The following ERBB4 variants were observed in gnomAD, a reference collection of about 807,000 sequenced individuals.
ERBB4 encodes receptor tyrosine-protein kinase erbB-4.
In ERBB4, 42 loss-of-function variants were observed where a neutral mutation model predicts 158.0. That is an observed-to-expected ratio of 0.27 (90% CI 0.21 to 0.34). The LOEUF (loss-of-function observed/expected upper bound fraction) is 0.34. ERBB4 is among the 10% of genes least tolerant of loss of function. The pLI, the probability that ERBB4 is intolerant of heterozygous loss-of-function variation, is 1.00. For missense variants in ERBB4, 1,333 were observed against 1,624.1 expected, an observed-to-expected ratio of 0.82 and a Z score of 3.08; for synonymous variants, 583 against 558.7, an observed-to-expected ratio of 1.04 and a Z score of -0.61.
chr2:211,775,080 C>A (rs573213169), intron 4 of ERBB4, among the ~76,000 whole-genome samples: 4 of 152,120 alleles, frequency 2.6e-5, no homozygotes, highest in Admixed American at 6.6e-5. Context: ...AAAGAGTTGT[C>A]CCTCTCTAGA....
chr2:212,410,777 G>A (rs967555315), intron 1 of ERBB4, among the ~76,000 whole-genome samples: 1 of 151,948 alleles, frequency 6.6e-6, no homozygotes, highest in African/African-American at 2.4e-5. Context: ...TAAAATGCTG[G>A]TGAATTAAAC....
chr2:212,028,926 G>A lies in ERBB4; in HGVS notation c.235-81310C>T, dbSNP rs553794369. ...TAGGAGGCAGGATGTAACTGCAGAG[G>A]TGGGGCTTAGACACCACACCAAATT... is the stretch of plus-strand genomic sequence containing the variant. On this transcript the variant is annotated intron_variant, in intron 2 of 27. Transcript: ENST00000342788. Among the ~76,000 whole-genome samples, 10 of 152,182 alleles carry A rather than the reference G, an allele frequency of 6.6e-5. No individual in the cohort carries two copies. The East Asian group carries it at 1.7e-3, about 27-fold the overall frequency.
intron 3 of ERBB4, among the ~76,000 whole-genome samples, chr2:211,791,075 T>A (rs12476659): frequency 0.18 from 26,810 of 151,834 alleles, 2,581 homozygotes; most frequent in Admixed American, 0.27. Context: ...CAGGTATGTT[T>A]ATTACTGTAT....
At chr2:212,157,570 G>GT (rs915141442) in intron 1 of ERBB4, among the ~76,000 whole-genome samples, 12 of 151,962 alleles carry the variant, frequency 7.9e-5, no homozygotes, top group African/African-American at 2.2e-4. Context: ...AAAAGACTGG[G>GT]TTTTTTTGAA....
chr2:212,191,800 T>G (rs1324364375), intron 1 of ERBB4, among the ~76,000 whole-genome samples: 1 of 138,182 alleles, frequency 7.2e-6, no homozygotes, highest in Non-Finnish European at 1.6e-5. Context: ...TTCTATATGT[T>G]ATATATAATA....
At chr2:211,559,471 TA>T (rs1434656703) in intron 20 of ERBB4, among the ~76,000 whole-genome samples, 4 of 152,230 alleles carry the variant, frequency 2.6e-5, no homozygotes, top group African/African-American at 9.6e-5. Context: ...CTGGCATAAC[TA>T]GTAATACAGT....
At position 212,318,991 on chromosome 2, in the gene ERBB4, A is replaced by T. The variant is rs2087429017; in HGVS notation, c.83-194088T>A. Among the ~76,000 whole-genome samples, 4 of 151,540 alleles carry T rather than the reference A, an allele frequency of 2.6e-5. No individual in the cohort carries two copies. In the South Asian group the frequency reaches 8.3e-4, roughly 31 times the overall value. ...CTTTGCTTCAGGTTCTTGGGATAATAGATATACCACACTTTCAATCCAAAT... is the reference window on the plus strand; with the variant it reads ...CTTTGCTTCAGGTTCTTGGGATAATTGATATACCACACTTTCAATCCAAAT... On this transcript the variant is annotated intron_variant, in intron 1 of 27. Coordinates refer to ENST00000342788, the MANE Select transcript of ERBB4 (RefSeq NM_005235.3).
chr2:212,333,462 C>G (rs539706667), intron 1 of ERBB4, among the ~76,000 whole-genome samples: 1 of 150,812 alleles, frequency 6.6e-6, no homozygotes, highest in Admixed American at 6.6e-5. Flanking sequence ...GAGAACTGCT[C>G]GAGCCCAGGA....
chr2:212,313,119 G>A (rs1447847914), intron 1 of ERBB4, among the ~76,000 whole-genome samples: 1 of 150,590 alleles, frequency 6.6e-6, no homozygotes, highest in East Asian at 2.0e-4. Flanking sequence ...TATCCAATTT[G>A]GATACCATAT....
intron 1 of ERBB4, among the ~76,000 whole-genome samples, chr2:212,363,775 T>C (rs911444905): frequency 6.6e-6 from 1 of 151,708 alleles, no homozygotes; most frequent in Non-Finnish European, 1.5e-5. Flanking sequence ...TACTTCACAA[T>C]TGGTAGTGTG....
intron 20 of ERBB4, among the ~76,000 whole-genome samples, chr2:211,504,322 C>T (rs150213138): frequency 3.3e-5 from 5 of 152,118 alleles, no homozygotes; most frequent in African/African-American, 1.2e-4. Flanking sequence ...TTTGAAAAAA[C>T]CACTAGACTA....
intron 20 of ERBB4, among the ~76,000 whole-genome samples, chr2:211,546,975 A>G (rs925790301): frequency 6.6e-6 from 1 of 152,116 alleles, no homozygotes; most frequent in Non-Finnish European, 1.5e-5. Flanking sequence ...TGAGGCCATG[A>G]AATAGCTCTA....
chr2:212,508,889 C>T (rs1223174252), intron 1 of ERBB4, among the ~76,000 whole-genome samples: 1 of 152,054 alleles, frequency 6.6e-6, no homozygotes. Flanking sequence ...TTGTCATTGT[C>T]ATCTGCCAAT....
At chr2:212,067,142 A>G (rs1484701885) in intron 2 of ERBB4, among the ~76,000 whole-genome samples, 1 of 151,994 alleles carries the variant, frequency 6.6e-6, no homozygotes, top group African/African-American at 2.4e-5. Context: ...GAAACATTTA[A>G]TTTTCTTCTT....
At chr2:211,732,494 G>A (rs1429889184) in intron 5 of ERBB4, among the ~76,000 whole-genome samples, 1 of 152,062 alleles carries the variant, frequency 6.6e-6, no homozygotes, top group Non-Finnish European at 1.5e-5. Context: ...TTCCTAATTG[G>A]TTTGGTGATA....
intron 3 of ERBB4, among the ~76,000 whole-genome samples, chr2:211,933,660 A>G (rs1257228495): frequency 6.6e-6 from 1 of 152,010 alleles, no homozygotes; most frequent in Non-Finnish European, 1.5e-5. Context: ...TTTTTGGAAT[A>G]ATATAGTTGA....
intron 1 of ERBB4, among the ~76,000 whole-genome samples, chr2:212,177,270 T>G (rs2081698535): frequency 6.6e-6 from 1 of 151,900 alleles, no homozygotes; most frequent in Non-Finnish European, 1.5e-5. Context: ...GTTCTCATTT[T>G]TTAAAATTTG....
intron 1 of ERBB4, among the ~76,000 whole-genome samples, chr2:212,483,918 AAT>A (rs927714400): frequency 6.6e-6 from 1 of 152,026 alleles, no homozygotes; most frequent in African/African-American, 2.4e-5. Flanking sequence ...TTTAATTTTT[AAT>A]AGAGACGGAG....
At chr2:212,264,067 C>T (rs1179807920) in intron 1 of ERBB4, among the ~76,000 whole-genome samples, 1 of 152,066 alleles carries the variant, frequency 6.6e-6, no homozygotes, top group Non-Finnish European at 1.5e-5. Context: ...ATGTTATATG[C>T]TTATTGCCTT....
Sources: allele counts gnomAD v4.1 joint callset (sites outside exome capture counted in the v4.1 genomes callset), GRCh38; gene constraint gnomAD v4.1.1; transcripts MANE v1.5; gene names NCBI Gene and HGNC (gene_info 2026-07-23, HGNC 2026-07-21).